The following OPHN1 variants were observed in gnomAD, a reference collection of about 807,000 sequenced individuals.
OPHN1 encodes the protein oligophrenin-1.
In OPHN1, 11 loss-of-function variants were observed where a neutral mutation model predicts 60.7. The observed-to-expected ratio is 0.18, with a 90% CI of 0.11 to 0.30. OPHN1 has a LOEUF of 0.30. Among genes scored for constraint, OPHN1 ranks in the 10% least tolerant of loss-of-function variants. The pLI is 1.00. For synonymous variants in OPHN1, 226 were observed against 222.6 expected, an observed-to-expected ratio of 1.02 and a Z score of -0.14; for missense variants, 449 against 611.0, an observed-to-expected ratio of 0.73 and a Z score of 2.80.
rs555482850 is a variant in OPHN1, at chrX:68,420,029, A to G, written c.154+12838T>C. ...CTGTCTTCCTCAGCAGCCTTCACAG[A>G]ATAGCACATAGAAATTCTTACCACA... is the stretch of plus-strand genomic sequence containing the variant. On this transcript the variant is annotated intron_variant, in intron 2 of 24. Coordinates refer to ENST00000355520, the MANE Select transcript of OPHN1 (RefSeq NM_002547.3). 3.6e-5 allele frequency among the ~76,000 whole-genome samples: 4 copies of G among 111,362 alleles called. No individual in the cohort carries two copies. In the East Asian group the frequency reaches 8.5e-4, roughly 24 times the overall value.
intron 2 of OPHN1, among the ~76,000 whole-genome samples, chrX:68,309,777 G>A (rs2078164155): frequency 1.8e-5 from 2 of 111,770 alleles, no homozygotes; most frequent in Admixed American, 9.6e-5. Flanking sequence ...TGCCACATTT[G>A]TCACATTTTT....
At chrX:68,090,244 G>GTC (rs547596097) in intron 19 of OPHN1, among the ~76,000 whole-genome samples, 1 of 91,027 alleles carries the variant, frequency 1.1e-5, no homozygotes, top group East Asian at 3.1e-4. Context: ...GTGTGTGTCT[G>GTC]TGTGTGTGTG....
chrX:68,110,210 T>C (rs2077098381), intron 18 of OPHN1, among the ~76,000 whole-genome samples: 1 of 111,851 alleles, frequency 8.9e-6, no homozygotes, highest in African/African-American at 3.3e-5. Context: ...TAGCTCAGTA[T>C]AGGTTTAATT....
chrX:68,236,988 C>A (rs1377033466), intron 5 of OPHN1, among the ~76,000 whole-genome samples: 1 of 112,019 alleles, frequency 8.9e-6, no homozygotes, highest in East Asian at 2.8e-4. Context: ...AGTAAGTTTT[C>A]TTTTGTTTTG....
At chrX:68,067,639 C>T (rs1291603376) in intron 20 of OPHN1, among the ~76,000 whole-genome samples, 2 of 110,877 alleles carry the variant, frequency 1.8e-5, no homozygotes, top group Admixed American at 9.6e-5. Context: ...GCTAGGGGAC[C>T]GCTGTTGAGA....
At chrX:68,222,890 C>T (rs1436048540) in intron 6 of OPHN1, among the ~76,000 whole-genome samples, 1 of 95,063 alleles carries the variant, frequency 1.1e-5, no homozygotes, top group South Asian at 5.4e-4. Context: ...AACTAACCTG[C>T]ACAATGTGCA....
At chrX:68,237,234 C>T (rs1265170234) in intron 5 of OPHN1, among the ~76,000 whole-genome samples, 2 of 112,789 alleles carry the variant, frequency 1.8e-5, no homozygotes, top group African/African-American at 6.4e-5. Context: ...ATCCACCCAC[C>T]TCAGCCTCCC....
chrX:68,168,094 C>T (rs747827207), intron 15 of OPHN1, among the ~76,000 whole-genome samples: 36 of 110,668 alleles, frequency 3.3e-4, no homozygotes, highest in Non-Finnish European at 5.9e-4. Flanking sequence ...GACAGATCAA[C>T]GAGACAGAAC....
chrX:68,416,460 A>G (rs1442045795), intron 2 of OPHN1, among the ~76,000 whole-genome samples: 1 of 111,598 alleles, frequency 9.0e-6, no homozygotes, highest in Non-Finnish European at 1.9e-5. Context: ...ACAGTCAAAA[A>G]GGATGAACTG....
intron 10 of OPHN1, 22 bp from the exon 11 acceptor site, chrX:68,201,732 C>T: frequency 8.7e-7 from 1 of 1,152,682 alleles, no homozygotes; most frequent in Non-Finnish European, 1.2e-6. Flanking sequence ...CAAGAATTAA[C>T]AGGCAATTTT....
At chrX:68,398,629 C>G (rs745328807) in intron 2 of OPHN1, among the ~76,000 whole-genome samples, 1 of 111,526 alleles carries the variant, frequency 9.0e-6, no homozygotes, top group Non-Finnish European at 1.9e-5. Context: ...CTACCTTAGA[C>G]TGGGAATCAG....
intron 19 of OPHN1, among the ~76,000 whole-genome samples, chrX:68,080,745 G>A: frequency 8.9e-6 from 1 of 111,993 alleles, no homozygotes; most frequent in Middle Eastern, 4.6e-3. Flanking sequence ...ACTATTCACT[G>A]CTAGACTTTT....
At chrX:68,246,201 ACC>A (rs1340850696) in intron 5 of OPHN1, among the ~76,000 whole-genome samples, 1 of 111,322 alleles carries the variant, frequency 9.0e-6, no homozygotes, top group East Asian at 2.8e-4. Context: ...GAGGTACCAT[ACC>A]TCCGTTTTAA....
intron 3 of OPHN1, among the ~76,000 whole-genome samples, chrX:68,284,922 C>A (rs80169425): frequency 1.8e-5 from 2 of 112,104 alleles, no homozygotes; most frequent in Non-Finnish European, 3.8e-5. Flanking sequence ...CTGTATTTTT[C>A]TATCCAAATC....
At chrX:68,284,518 A>G (rs1436971651) in intron 3 of OPHN1, among the ~76,000 whole-genome samples, 3 of 111,152 alleles carry the variant, frequency 2.7e-5, no homozygotes, top group African/African-American at 9.8e-5. Context: ...TAAATCACCT[A>G]GCATTGGGTA....
At chrX:68,094,123 G>T (rs2077029150) in intron 19 of OPHN1, among the ~76,000 whole-genome samples, 1 of 110,404 alleles carries the variant, frequency 9.1e-6, no homozygotes, top group Non-Finnish European at 1.9e-5. Flanking sequence ...ATTACCTATA[G>T]AGCTGCAATT....
intron 2 of OPHN1, among the ~76,000 whole-genome samples, chrX:68,399,855 C>T (rs1602389013): frequency 1.0e-5 from 1 of 96,832 alleles, no homozygotes; most frequent in Non-Finnish European, 2.1e-5. Context: ...GACAGAGTTT[C>T]GCTCTCATTG....
At chrX:68,093,702 T>G (rs1339563613) in intron 19 of OPHN1, among the ~76,000 whole-genome samples, 2 of 111,717 alleles carry the variant, frequency 1.8e-5, no homozygotes, top group African/African-American at 6.5e-5. Flanking sequence ...TCTTTTCATA[T>G]ACTTAATTGC....
intron 15 of OPHN1, among the ~76,000 whole-genome samples, chrX:68,125,930 AATATATATATATATAT>A (rs59058075): frequency 4.5e-5 from 1 of 22,260 alleles, no homozygotes; most frequent in African/African-American, 1.1e-4. Context: ...ACCACTGATC[AATATATATATATATAT>A]ATATATATAT....
Sources: allele counts gnomAD v4.1 joint callset (sites outside exome capture counted in the v4.1 genomes callset), GRCh38; gene constraint gnomAD v4.1.1; transcripts MANE v1.5; gene names NCBI Gene and HGNC (gene_info 2026-07-23, HGNC 2026-07-21).